Variants in NBPF14 observed in about 807,000 individuals in gnomAD.
NBPF14 encodes NBPF family member NBPF14.
A neutral mutation model predicts 91.2 loss-of-function variants in NBPF14; 104 were observed. That is an observed-to-expected ratio of 1.14 (90% CI 0.97 to 1.34). The LOEUF is 1.34. NBPF14 is among the 40% of genes most tolerant of loss of function. The pLI, the probability that NBPF14 is intolerant of heterozygous loss-of-function variation, is 0.00. For synonymous variants in NBPF14, 294 were observed against 303.8 expected (o/e 0.97, Z 0.34); for missense variants, 908 against 783.0 (o/e 1.16, Z -1.91).
At chr1:148,580,943 G>T (rs1488050498) in intron 12 of NBPF14, among the ~76,000 whole-genome samples, 1 of 98,408 alleles carries the variant, frequency 1.0e-5, no homozygotes, top group Admixed American at 1.1e-4. Flanking sequence ...GTCCACATTG[G>T]TGTGCTTCAC....
chr1:148,533,409 A>T (rs1178579144), intron 70 of NBPF14, among the ~76,000 whole-genome samples, 161 bp from the exon 71 acceptor site: 6 of 150,068 alleles, frequency 4.0e-5, no homozygotes, highest in Non-Finnish European at 7.4e-5. Flanking sequence ...GTTGGGATAG[A>T]ACAGGGCCAG....
intron 68 of NBPF14, among the ~76,000 whole-genome samples, chr1:148,535,060 G>A (rs1274609615): frequency 6.8e-6 from 1 of 146,760 alleles, no homozygotes; most frequent in Non-Finnish European, 1.5e-5. Flanking sequence ...GAGAGGGAGA[G>A]AGAGAGAGAG....
intron 3 of NBPF14, 107 bp from the exon 4 acceptor site, chr1:148,592,873 C>T: frequency 1.3e-6 from 1 of 797,462 alleles, no homozygotes; most frequent in Non-Finnish European, 1.9e-6. Flanking sequence ...GACCTCCAAG[C>T]AGAAGGTCAG....
intron 70 of NBPF14, 93 bp from the exon 71 acceptor site, chr1:148,533,341 T>A (rs1553273364): frequency 8.0e-6 from 4 of 497,080 alleles, no homozygotes; most frequent in African/African-American, 3.2e-5. Flanking sequence ...AGGAAGTGGT[T>A]AGAAAAGAAA....
chr1:148,587,129 A>G (rs1226394218), intron 8 of NBPF14, among the ~76,000 whole-genome samples, 172 bp downstream of exon 8: 2 of 148,646 alleles, frequency 1.3e-5, no homozygotes, highest in Admixed American at 6.7e-5. Context: ...ACTGCAACCC[A>G]TACATTTTTA....
intron 37 of NBPF14, among the ~76,000 whole-genome samples, chr1:148,559,497 A>C (rs1290107350): frequency 5.5e-5 from 7 of 126,374 alleles, no homozygotes; most frequent in East Asian, 2.4e-4. Context: ...GATCTACAAA[A>C]TTGAGACAAA....
In NBPF14 at chr1:148,566,402, A is replaced by T. The variant is rs1343928525; in HGVS notation, c.3543-87T>A. On this transcript the variant is annotated intron_variant, in intron 28 of 70. Transcript: ENST00000619423. ...CTAGGTTTCATGGGTAGCATAGGGA[A>T]GTGGTTAAAAAACTAAAAGGATAGA... is the stretch of plus-strand genomic sequence containing the variant. The T allele has an allele frequency of 6.3e-6, 4 of 633,688 alleles. No homozygotes were observed. The Admixed American group carries it at 7.8e-5, about 12-fold the overall frequency. The allele number at this position is 633,688 out of a possible 1,614,324, so 39.3% of individuals were successfully genotyped here. A position where few individuals can be genotyped will look rare whatever the true frequency, so the allele number is the denominator to read the frequency against.
intron 12 of NBPF14, among the ~76,000 whole-genome samples, chr1:148,580,639 G>A (rs1306429890): frequency 3.3e-4 from 18 of 54,740 alleles, no homozygotes; most frequent in African/African-American, 1.1e-3. Flanking sequence ...CCCAAAACAC[G>A]TAATTGTCAG....
intron 59 of NBPF14, 117 bp from the exon 60 acceptor site, chr1:148,541,956 T>G: frequency 1.9e-5 from 1 of 52,314 alleles, no homozygotes. Flanking sequence ...AATAGGACAC[T>G]GTGAGAGATA....
chr1:148,586,616 G>A, intron 8 of NBPF14, 147 bp from the exon 9 acceptor site: 1 of 790,416 alleles, frequency 1.3e-6, no homozygotes, highest in Non-Finnish European at 2.2e-6. Context: ...CTGTGGCCAA[G>A]AGAAAGAATA....
At chr1:148,566,078 C>G in intron 29 of NBPF14, 65 bp downstream of exon 29, 1 of 372,718 alleles carries the variant, frequency 2.7e-6, no homozygotes, top group Non-Finnish European at 4.6e-6. Context: ...CCACTTGGAG[C>G]AGGAATATGA....
At position 148,559,975 on chromosome 1, in the gene NBPF14, T is replaced by C. The variant is rs1339550892; in HGVS notation, c.4557-10A>G. The C allele has an allele frequency of 1.6e-5, 21 of 1,281,402 alleles. 1 individual carries two copies. Among genetic ancestry groups the C allele is most frequent in the Non-Finnish European group, 2.0e-5 (18 of 913,466 alleles). The allele number at this position is 1,281,402 out of a possible 1,614,324, so 79.4% of individuals were successfully genotyped here. ...CAGCTCCCTGCTGAGCCTGGAAAAG[T>C]GGAAAAAAGTAAAGAATAAGCCAGG... On this transcript the variant is annotated splice_polypyrimidine_tract_variant and intron_variant, in intron 36 of 70. Coordinates refer to ENST00000619423, the Ensembl canonical transcript of NBPF14.
At chr1:148,577,657 G>A (rs1336749344) in intron 14 of NBPF14, among the ~76,000 whole-genome samples, 1 of 148,568 alleles carries the variant, frequency 6.7e-6, no homozygotes, top group Non-Finnish European at 1.5e-5. Context: ...CTGTATTTGT[G>A]CTCTCAGGAC....
At chr1:148,593,984 T>A (rs1662910209) in intron 2 of NBPF14, among the ~76,000 whole-genome samples, 2 of 149,520 alleles carry the variant, frequency 1.3e-5, no homozygotes, top group South Asian at 4.3e-4. Context: ...CCCTGAGGTC[T>A]GACTCTGAAT....
chr1:148,559,808 C>G, exon 37 of NBPF14: 2 of 1,528,604 alleles, frequency 1.3e-6, no homozygotes, highest in Non-Finnish European at 1.8e-6. Context: ...ATGTCAACAG[C>G]CAAGCCAACA....
chr1:148,595,398 TA>T (rs1663159724), intron 2 of NBPF14, 144 bp downstream of exon 2: 1 of 1,028,914 alleles, frequency 9.7e-7, no homozygotes, highest in African/African-American at 1.6e-5. Context: ...CTTCCAACTT[TA>T]ACAAAATGTT....
chr1:148,533,860 C>T lies in NBPF14; in HGVS notation c.8723+1G>A, dbSNP rs1275948594. On this transcript the variant is annotated splice_donor_variant, in intron 70 of 70. Coordinates refer to ENST00000619423, the Ensembl canonical transcript of NBPF14. LOFTEE classifies it high-confidence loss of function. ...AAGGATCCACAATTGCTGAAAGTCA[C>T]CTGGGGCATGGTGGGTTTTGATCTT... 4 of 764,572 alleles carry T rather than the reference C, an allele frequency of 5.2e-6. No individual in the cohort carries two copies. The highest frequency in any genetic ancestry group is 1.3e-5 in the South Asian group (1 of 74,480). 47.4% of individuals were successfully genotyped at this position (764,572 alleles called of 1,614,324 possible).
chr1:148,557,083 C>A (rs1219878541), intron 40 of NBPF14, among the ~76,000 whole-genome samples: 1 of 124,682 alleles, frequency 8.0e-6, no homozygotes, highest in Non-Finnish European at 1.6e-5. Context: ...CACACACACA[C>A]ACACAGAGAG....
chr1:148,535,110 A>C (rs1409861061), intron 68 of NBPF14, among the ~76,000 whole-genome samples: 2 of 146,438 alleles, frequency 1.4e-5, no homozygotes, highest in Admixed American at 6.8e-5. Flanking sequence ...TGACACACTG[A>C]TGAAGGGGTC....
Sources: gnomAD v4.1 joint callset for allele counts (sites outside exome capture counted in the v4.1 genomes callset) on GRCh38, gnomAD v4.1.1 for gene constraint, MANE v1.5 for transcripts, NCBI Gene and HGNC (gene_info 2026-07-23, HGNC 2026-07-21) for gene names.